The following SLC17A7 variants were observed in gnomAD, a reference collection of about 807,000 sequenced individuals.
SLC17A7 encodes solute carrier family 17 member 7.
SLC17A7 carries 15 observed loss-of-function variants against 59.1 expected under a neutral mutation model. That is an observed-to-expected ratio of 0.25 (90% CI 0.17 to 0.39). The LOEUF (loss-of-function observed/expected upper bound fraction) is 0.39, where lower values mean the gene tolerates loss of function less well. SLC17A7 is among the 10% of genes least tolerant of loss of function. The pLI is 1.00. For synonymous variants in SLC17A7, 353 were observed against 308.9 expected, an observed-to-expected ratio of 1.14 and a Z score of -1.50; for missense variants, 499 against 765.1, an observed-to-expected ratio of 0.65 and a Z score of 4.10.
Position 49,429,994 on chromosome 19 carries a change from G to T in SLC17A7, c.*525C>A, listed in dbSNP as rs991593547. 42 of 170,088 alleles carry T rather than the reference G, an allele frequency of 2.5e-4. No individual in the cohort carries two copies. The highest frequency in any genetic ancestry group is 9.9e-4 in the African/African-American group (42 of 42,260). The allele number at this position is 170,088 out of a possible 1,614,324, so 10.5% of individuals were successfully genotyped here. A position where few individuals can be genotyped will look rare whatever the true frequency, so the allele number is the denominator to read the frequency against. ...GAAACCGCCATTTTCCATCAGAAAC[G>T]CTGGTGAGAATCAATCCCTGGAATG... On this transcript the variant is annotated 3_prime_UTR_variant, in exon 12 of 12. Transcript: ENST00000221485.
rs755066858 is a variant in SLC17A7, at chr19:49,433,614, T to C, written c.867+112A>G. 5 of 1,488,160 alleles carry C rather than the reference T, an allele frequency of 3.4e-6. No homozygotes were observed. The Admixed American group carries it at 7.3e-5, about 22-fold the overall frequency. The allele number at this position is 1,488,160 out of a possible 1,614,324, so 92.2% of individuals were successfully genotyped here. On this transcript the variant is annotated intron_variant, in intron 7 of 11. Coordinates refer to ENST00000221485, the MANE Select transcript of SLC17A7 (RefSeq NM_020309.4). The surrounding 1 kb of genome is among the most constrained non-coding windows in gnomAD (Gnocchi z 5.7). Reference sequence around the variant, plus strand: ...CTAGGTTCTAGCCCCTCTCTTTGCGTTCCAGTCCCGTCTCCTCTAGAGTCT... The same window carrying C: ...CTAGGTTCTAGCCCCTCTCTTTGCGCTCCAGTCCCGTCTCCTCTAGAGTCT...
intron 1 of SLC17A7, among the ~76,000 whole-genome samples, chr19:49,440,535 G>T (rs1276315675): frequency 2.0e-5 from 3 of 152,138 alleles, no homozygotes; most frequent in Non-Finnish European, 2.9e-5. Context: ...CCTTTGGGAA[G>T]GCTGTCCTAC....
In SLC17A7 at chr19:49,434,874, C is replaced by A; in HGVS notation, c.443G>T (p.Gly148Val). 1 of 1,613,214 alleles carries A rather than the reference C, an allele frequency of 6.2e-7. No individual in the cohort carries two copies. The highest frequency in any genetic ancestry group is 8.5e-7 in the Non-Finnish European group (1 of 1,179,558). Residue 148 changes from glycine (G) to valine (V), a missense_variant, in exon 4 of 12, where the codon GGC (glycine) becomes GTC (valine). Gly to Val is a moderately radical substitution (Grantham distance 109). This residue lies in a region of SLC17A7 where 323 missense variants were observed against 607.2 expected (regional missense o/e 0.53). Coordinates refer to ENST00000221485, the MANE Select transcript of SLC17A7 (RefSeq NM_020309.4). ...AGTGGATGTTGCCACAATAGCAAAGCCGAAAACTCTGATGGGAAGGGTCAG... is the reference window on the plus strand; with the variant it reads ...AGTGGATGTTGCCACAATAGCAAAGACGAAAACTCTGATGGGAAGGGTCAG... ...CQKFAANRVF[G>V]FAIVATSTLN...
At position 49,433,007 on chromosome 19, in the gene SLC17A7, G is replaced by A. The variant is rs1164738721; in HGVS notation, c.868-47C>T. 1.3e-6 allele frequency: 2 copies of A among 1,562,714 alleles called. No individual in the cohort carries two copies. The highest frequency in any genetic ancestry group is 1.7e-6 in the Non-Finnish European group (2 of 1,147,762). Reference sequence around the variant, plus strand: ...CGCTAAGACGGGGAGCGGGGCTGAGGGCTTCTCCGCGTCCCTTCAGGGACC... The same window carrying A: ...CGCTAAGACGGGGAGCGGGGCTGAGAGCTTCTCCGCGTCCCTTCAGGGACC... On this transcript the variant is annotated intron_variant, in intron 7 of 11. Coordinates refer to ENST00000221485, the MANE Select transcript of SLC17A7 (RefSeq NM_020309.4). The surrounding 1 kb of genome is among the most constrained non-coding windows in gnomAD (Gnocchi z 5.7).
rs552360203 is a variant in SLC17A7 at position 49,441,059 on chromosome 19, CAGAGACCCGGGAG to C, written c.62+246_62+258del. Among the ~76,000 whole-genome samples, 189 of 152,080 alleles carry C rather than the reference CAGAGACCCGGGAG, an allele frequency of 1.2e-3. 2 individuals are homozygous for C. The highest frequency in any genetic ancestry group is 4.6e-3 in the African/African-American group (189 of 41,464). Reference sequence around the variant, plus strand: ...GACCCAGAAGTGGTGGGGGAGGAGCCAGAGACCCGGGAGAGAGGCATTTACAGCACCAGAGAGA... The same window carrying C: ...GACCCAGAAGTGGTGGGGGAGGAGCCAGAGGCATTTACAGCACCAGAGAGA... On this transcript the variant is annotated intron_variant, in intron 1 of 11. Transcript: ENST00000221485.
intron 9 of SLC17A7, 100 bp downstream of exon 9, chr19:49,432,419 G>A (rs983410155): frequency 3.4e-6 from 5 of 1,454,872 alleles, no homozygotes; most frequent in Non-Finnish European, 4.6e-6. Flanking sequence ...CCTGGGGCAG[G>A]CTGGATGGTT....
intron 3 of SLC17A7, 98 bp from the exon 4 acceptor site, chr19:49,434,980 G>C (rs997657949): frequency 8.1e-7 from 1 of 1,239,362 alleles, no homozygotes; most frequent in Non-Finnish European, 1.2e-6. Flanking sequence ...TGGTCCCCGG[G>C]ACCCCAGGTC....
At position 49,430,407 on chromosome 19, in the gene SLC17A7, T is replaced by C. The variant is rs1245149444; in HGVS notation, c.*112A>G. 2 of 757,296 alleles carry C rather than the reference T, an allele frequency of 2.6e-6. No individual in the cohort carries two copies. Among genetic ancestry groups the C allele is most frequent in the Non-Finnish European group, 2.1e-6 (1 of 472,512 alleles). The allele number at this position is 757,296 out of a possible 1,614,324, so 46.9% of individuals were successfully genotyped here. ...AGCACTGGGAACAAGGGAGAGTGCT[T>C]CTTAGGCCTGAGGCAGGACAGAGAG... On this transcript the variant is annotated 3_prime_UTR_variant, in exon 12 of 12. Coordinates refer to ENST00000221485, the MANE Select transcript of SLC17A7 (RefSeq NM_020309.4).
chr19:49,434,777 C>A lies in SLC17A7; in HGVS notation c.540G>T (p.Gly180=), dbSNP rs1328453616. ...GCVIFVRILQ[G]LVEGVTYPAC... ...TCAGGCGGGGATTTACCTCTACCAA[C>A]CCCTGCAGGATCCTCACGAAGATGA... The change falls in exon 4 of 12, where the codon GGG becomes GGT. Residue 180 remains glycine, a synonymous_variant. Coordinates refer to ENST00000221485, the MANE Select transcript of SLC17A7 (RefSeq NM_020309.4). 9.9e-6 allele frequency: 16 copies of A among 1,614,162 alleles called. No homozygotes were observed. In the East Asian group the frequency reaches 3.3e-4, roughly 34 times the overall value.
chr19:49,433,876 G>C lies in SLC17A7; in HGVS notation c.725-8C>G. Reference sequence around the variant, plus strand: ...AGAAGATCCCGAAGCTGCCTGGGGGGGTCAGGAGGGGGATGGGAGCGAGGT... The same window carrying C: ...AGAAGATCCCGAAGCTGCCTGGGGGCGTCAGGAGGGGGATGGGAGCGAGGT... On this transcript the variant is annotated splice_polypyrimidine_tract_variant and splice_region_variant and intron_variant, in intron 6 of 11. Coordinates refer to ENST00000221485, the MANE Select transcript of SLC17A7 (RefSeq NM_020309.4). This position sits in a 1 kb window ranked among gnomAD's most constrained non-coding sequence, Gnocchi z 5.7. 1 of 1,611,268 alleles carries C rather than the reference G, an allele frequency of 6.2e-7. No homozygotes were observed.
At chr19:49,437,016 C>A in intron 1 of SLC17A7, 1 of 655,404 alleles carries the variant, frequency 1.5e-6, no homozygotes, top group Non-Finnish European at 2.6e-6. Flanking sequence ...CCCCAGCCCC[C>A]TCCTTCTTCA....
rs748129512 is a variant in SLC17A7 at position 49,431,038 on chromosome 19, C to A, written c.1366G>T (p.Val456Leu). ...TLSGMVCPIIVGAMTKHKTRE... is the reference protein window; with the variant it reads ...TLSGMVCPIILGAMTKHKTRE... ...ACCTTGTGCTTAGTCATGGCCCCCA[C>A]GATGATGGGGCACACCATGCCCGAC... is the stretch of plus-strand genomic sequence containing the variant. Residue 456 changes from valine to leucine, a missense_variant, in exon 11 of 12, where the codon GTG (valine) becomes TTG (leucine). Val to Leu is a conservative substitution (Grantham distance 32, BLOSUM62 1). This residue lies in a region of SLC17A7 where 323 missense variants were observed against 607.2 expected (regional missense o/e 0.53). Transcript: ENST00000221485. The surrounding 1 kb of genome is among the most constrained non-coding windows in gnomAD (Gnocchi z 4.6). The A allele has an allele frequency of 6.2e-7, 1 of 1,612,338 alleles. No individual in the cohort carries two copies. Among genetic ancestry groups the A allele is most frequent in the African/African-American group, 1.3e-5 (1 of 74,910 alleles).
intron 9 of SLC17A7, among the ~76,000 whole-genome samples, chr19:49,432,015 C>T (rs1211876486): frequency 2.6e-5 from 4 of 152,128 alleles, no homozygotes; most frequent in African/African-American, 9.7e-5. Context: ...TGGAGTGCTG[C>T]GGCGCGATCA....
Position 49,433,608 on chromosome 19 carries a change from T to C in SLC17A7, c.867+118A>G. 6.9e-7 allele frequency: 1 copy of C among 1,454,228 alleles called. No individual in the cohort carries two copies. The highest frequency in any genetic ancestry group is 9.5e-7 in the Non-Finnish European group (1 of 1,051,790). The allele number at this position is 1,454,228 out of a possible 1,614,324, so 90.1% of individuals were successfully genotyped here. On this transcript the variant is annotated intron_variant, in intron 7 of 11. Transcript: ENST00000221485. This position sits in a 1 kb window ranked among gnomAD's most constrained non-coding sequence, Gnocchi z 5.7. Reference sequence around the variant, plus strand: ...CGCCTCCTAGGTTCTAGCCCCTCTCTTTGCGTTCCAGTCCCGTCTCCTCTA... The same window carrying C: ...CGCCTCCTAGGTTCTAGCCCCTCTCCTTGCGTTCCAGTCCCGTCTCCTCTA...
intron 11 of SLC17A7, 76 bp from the exon 12 acceptor site, chr19:49,430,888 AAGGGAGGCAGAGACCC>A (rs1197233973): frequency 1.9e-6 from 3 of 1,556,728 alleles, no homozygotes; most frequent in Non-Finnish European, 2.6e-6. Context: ...GGCCTAGAGG[AAGGGAGGCAGAGACCC>A]AGGGAGGCTG....
chr19:49,435,128 A>G, intron 3 of SLC17A7, 40 bp downstream of exon 3: 2 of 1,453,590 alleles, frequency 1.4e-6, no homozygotes, highest in Non-Finnish European at 1.9e-6. Flanking sequence ...CCACCCACAC[A>G]ACTGTAGTTA....
rs147531197 is a variant in SLC17A7, at chr19:49,431,981, A to G, written c.1151-533T>C. ...TTGTAATTTTAATTTTTCTAGAAAC[A>G]AAGTCTCGCTCTGTCGCCCAGGCTG... On this transcript the variant is annotated intron_variant, in intron 9 of 11. Coordinates refer to ENST00000221485, the MANE Select transcript of SLC17A7 (RefSeq NM_020309.4). This position sits in a 1 kb window ranked among gnomAD's most constrained non-coding sequence, Gnocchi z 4.6. Among the ~76,000 whole-genome samples the G allele has an allele frequency of 1.3e-5, 2 of 152,044 alleles. No individual in the cohort carries two copies. Among genetic ancestry groups the G allele is most frequent in the Admixed American group, 6.5e-5 (1 of 15,272 alleles).
chr19:49,430,984 A>G (rs1337691032), intron 11 of SLC17A7, 31 bp downstream of exon 11: 1 of 1,589,154 alleles, frequency 6.3e-7, no homozygotes, highest in East Asian at 2.2e-5. Context: ...ACACACTTGG[A>G]GGCAGACTGA....
At position 49,436,915 on chromosome 19, in the gene SLC17A7, A is replaced by C; in HGVS notation, c.63-114T>G. The C allele has an allele frequency of 2.1e-6, 3 of 1,403,548 alleles. No homozygotes were observed. The highest frequency in any genetic ancestry group is 5.1e-5 in the East Asian group (2 of 39,502). 86.9% of individuals were successfully genotyped at this position (1,403,548 alleles called of 1,614,324 possible). A position where few individuals can be genotyped will look rare whatever the true frequency, so the allele number is the denominator to read the frequency against. The stretch of plus-strand genomic sequence containing the variant: ...TCAACATCCAGAATTCTAAGCCCGC[A>C]CCTCCTCCTTCACCAAGAGTCCAGG... On this transcript the variant is annotated intron_variant, in intron 1 of 11. Coordinates refer to ENST00000221485, the MANE Select transcript of SLC17A7 (RefSeq NM_020309.4). This position sits in a 1 kb window ranked among gnomAD's most constrained non-coding sequence, Gnocchi z 4.1.
Sources: allele counts gnomAD v4.1 joint callset (sites outside exome capture counted in the v4.1 genomes callset), GRCh38; gene constraint gnomAD v4.1.1; regional missense constraint gnomAD v4.1.1; non-coding constraint Gnocchi (gnomAD v3.1); transcripts MANE v1.5; gene names NCBI Gene and HGNC (gene_info 2026-07-23, HGNC 2026-07-21).